ZNRF3: variants seen among roughly 807,000 people sequenced by gnomAD.
ZNRF3 encodes zinc and ring finger 3.
A neutral mutation model predicts 72.5 loss-of-function variants in ZNRF3; 23 were observed. The observed-to-expected ratio is 0.32, with a 90% CI of 0.23 to 0.45. ZNRF3 has a LOEUF of 0.45. Ranked by LOEUF, ZNRF3 falls within the 20% of genes least tolerant of loss-of-function variation. The probability of loss-of-function intolerance (pLI) is 1.00; values close to 1 mark genes in which losing one functional copy is unlikely to be tolerated. For synonymous variants in ZNRF3, 610 were observed against 545.3 expected (o/e 1.12, Z -1.65); for missense variants, 1,169 against 1,272.1 (o/e 0.92, Z 1.23).
intron 2 of ZNRF3, among the ~76,000 whole-genome samples, chr22:29,020,762 T>TG (rs1569284143): frequency 0.19 from 12,355 of 64,862 alleles, 1,432 homozygotes; most frequent in African/African-American, 0.33. Context: ...GGGCTTTGTT[T>TG]TTGTGTGTGT....
At chr22:28,941,340 A>G (rs989309000) in intron 1 of ZNRF3, among the ~76,000 whole-genome samples, 1 of 152,104 alleles carries the variant, frequency 6.6e-6, no homozygotes, top group African/African-American at 2.4e-5. Context: ...TAATTTATTT[A>G]TTTTTCATTT....
At chr22:29,033,579 C>A (rs1461782449) in intron 2 of ZNRF3, among the ~76,000 whole-genome samples, 1 of 152,042 alleles carries the variant, frequency 6.6e-6, no homozygotes, top group Non-Finnish European at 1.5e-5. Flanking sequence ...GGCTGAGGAG[C>A]CCCCAGAAGA....
intron 2 of ZNRF3, among the ~76,000 whole-genome samples, chr22:29,036,200 T>A (rs748008117): frequency 6.6e-6 from 1 of 152,220 alleles, no homozygotes; most frequent in African/African-American, 2.4e-5. Context: ...CATATTACCC[T>A]TATAAATAGC....
At chr22:28,987,272 C>T (rs1651100801) in intron 2 of ZNRF3, 71 bp downstream of exon 2, 2 of 1,552,648 alleles carry the variant, frequency 1.3e-6, no homozygotes, top group Non-Finnish European at 8.7e-7. Context: ...CAGCATTCCT[C>T]AAATAGTTGA....
intron 1 of ZNRF3, among the ~76,000 whole-genome samples, chr22:28,909,434 G>A (rs2034274143): frequency 6.6e-6 from 1 of 151,782 alleles, no homozygotes; most frequent in Non-Finnish European, 1.5e-5. Flanking sequence ...TGATTTTCAT[G>A]GTATTTTTTT....
chr22:28,919,563 G>A (rs1400858051), intron 1 of ZNRF3, among the ~76,000 whole-genome samples: 1 of 148,970 alleles, frequency 6.7e-6, no homozygotes, highest in East Asian at 1.9e-4. Context: ...TTTTTGAGAC[G>A]GAGTCTTACT....
intron 1 of ZNRF3, among the ~76,000 whole-genome samples, chr22:28,975,227 G>A (rs1371633261): frequency 6.6e-6 from 1 of 152,166 alleles, no homozygotes; most frequent in Non-Finnish European, 1.5e-5. Context: ...GACCAGGCCA[G>A]GCGCAGTGGC....
At chr22:29,034,314 T>G (rs1467753629) in intron 2 of ZNRF3, among the ~76,000 whole-genome samples, 1 of 152,208 alleles carries the variant, frequency 6.6e-6, no homozygotes, top group Non-Finnish European at 1.5e-5. Flanking sequence ...CCATCTCATT[T>G]AAATTATGGG....
At chr22:29,032,060 A>G (rs1315137955) in intron 2 of ZNRF3, among the ~76,000 whole-genome samples, 1 of 152,190 alleles carries the variant, frequency 6.6e-6, no homozygotes, top group East Asian at 1.9e-4. Flanking sequence ...CAGGTGGGGA[A>G]AGCAGCCAAA....
intron 8 of ZNRF3, among the ~76,000 whole-genome samples, chr22:29,052,471 G>T (rs1196883754): frequency 6.6e-6 from 1 of 152,222 alleles, no homozygotes; most frequent in Non-Finnish European, 1.5e-5. Flanking sequence ...AAGGCAGGCA[G>T]ATCACCAGGT....
At chr22:28,945,494 C>T (rs1412480423) in intron 1 of ZNRF3, among the ~76,000 whole-genome samples, 1 of 151,536 alleles carries the variant, frequency 6.6e-6, no homozygotes, top group Non-Finnish European at 1.5e-5. Flanking sequence ...GAGTTCAAGA[C>T]CAGCCTGGGC....
intron 2 of ZNRF3, among the ~76,000 whole-genome samples, chr22:29,001,048 C>G (rs2036132341): frequency 6.8e-6 from 1 of 146,618 alleles, no homozygotes; most frequent in Non-Finnish European, 1.5e-5. Flanking sequence ...CTTGGCCTCC[C>G]AAAGCTTTGC....
rs773307166 is a variant in ZNRF3 at position 29,042,605 on chromosome 22, C to T, written c.501+36C>T. ...CAGGCCATGCCAACACTGCAGCCTC[C>T]CTGAGAAAGGCACTTCCTTTAGTGA... is the stretch of plus-strand genomic sequence containing the variant. On this transcript the variant is annotated intron_variant, in intron 3 of 8. Coordinates refer to ENST00000544604, the MANE Select transcript of ZNRF3 (RefSeq NM_001206998.2). 14 of 1,593,644 alleles carry T rather than the reference C, an allele frequency of 8.8e-6. No individual in the cohort carries two copies. In the Admixed American group the frequency reaches 2.3e-4, roughly 27 times the overall value.
chr22:28,938,725 TCA>T (rs1248452773), intron 1 of ZNRF3, among the ~76,000 whole-genome samples: 1 of 152,160 alleles, frequency 6.6e-6, no homozygotes, highest in African/African-American at 2.4e-5. Context: ...CTTAGGGAAC[TCA>T]CAGTCTTATA....
At chr22:28,948,892 A>G (rs1456321250) in intron 1 of ZNRF3, among the ~76,000 whole-genome samples, 3 of 152,238 alleles carry the variant, frequency 2.0e-5, no homozygotes, top group Admixed American at 6.5e-5. Flanking sequence ...TGCATTGGTC[A>G]TTTAGAAAAT....
chr22:28,958,152 C>T (rs1428234253), intron 1 of ZNRF3, among the ~76,000 whole-genome samples: 1 of 152,234 alleles, frequency 6.6e-6, no homozygotes. Flanking sequence ...TGCGCCACTG[C>T]ATGCCAGCCT....
chr22:28,920,054 A>G (rs6005942), intron 1 of ZNRF3, among the ~76,000 whole-genome samples: 4,826 of 142,172 alleles, frequency 0.034, 260 homozygotes, highest in African/African-American at 0.12. Context: ...CAACCTCTGC[A>G]CCTACCCTGG....
intron 1 of ZNRF3, among the ~76,000 whole-genome samples, chr22:28,977,253 A>G (rs1474267125): frequency 6.6e-6 from 1 of 152,220 alleles, no homozygotes; most frequent in Non-Finnish European, 1.5e-5. Flanking sequence ...CAGCAGCAAC[A>G]GCCAGCAGCT....
intron 1 of ZNRF3, among the ~76,000 whole-genome samples, chr22:28,985,164 C>A (rs5762935): frequency 1.3e-5 from 2 of 152,028 alleles, no homozygotes; most frequent in African/African-American, 4.8e-5. Context: ...ACCACTGCTC[C>A]AAGAGGTTAC....
Sources: allele counts gnomAD v4.1 joint callset (sites outside exome capture counted in the v4.1 genomes callset), GRCh38; gene constraint gnomAD v4.1.1; transcripts MANE v1.5; gene names NCBI Gene and HGNC (gene_info 2026-07-23, HGNC 2026-07-21).